Variants in CSPP1 observed in about 807,000 individuals in gnomAD.
CSPP1 encodes centrosome and spindle pole-associated protein 1.
CSPP1 carries 126 observed loss-of-function variants against 164.4 expected under a neutral mutation model. The observed-to-expected ratio is 0.77, with a 90% confidence interval of 0.66 to 0.89. The LOEUF is 0.89. Among genes scored for constraint, CSPP1 ranks in the 40% least tolerant of loss-of-function variants. The pLI is 0.00. For missense variants in CSPP1, 1,395 were observed against 1,449.8 expected (o/e 0.96, Z 0.61); for synonymous variants, 472 against 476.7 (o/e 0.99, Z 0.13).
chr8:67,189,052 A>G (rs1379252753), intron 28 of CSPP1, among the ~76,000 whole-genome samples: 2 of 152,196 alleles, frequency 1.3e-5, no homozygotes, highest in Admixed American at 6.5e-5. Context: ...ACATTAAAGA[A>G]TGTAAATTAA....
rs1812590749 is a variant in CSPP1, at chr8:67,095,641, C to G, written c.832C>G (p.Gln278Glu). Reference protein sequence around the residue: ...VFDRRYHRPDQDPEVSEEMDE... With the variant: ...VFDRRYHRPDEDPEVSEEMDE... ...TGATAGACGGTATCATAGACCAGAC[C>G]AAGATCCTGAAGTAAGTGAAGAAAT... Residue 278 changes from glutamine to glutamate, a missense_variant, in exon 7 of 31, where the codon CAA becomes GAA. Physicochemically the swap from Gln to Glu is conservative, Grantham distance 29 (BLOSUM62 2). Coordinates refer to ENST00000678616, the MANE Select transcript of CSPP1 (RefSeq NM_001382391.1). The G allele has an allele frequency of 1.9e-6, 3 of 1,612,804 alleles. No individual in the cohort carries two copies. The highest frequency in any genetic ancestry group is 4.5e-5 in the East Asian group (2 of 44,844).
At chr8:67,178,121 CAAGTGCTGTTGTGAG>C (rs2129569856) in intron 27 of CSPP1, among the ~76,000 whole-genome samples, 1 of 152,278 alleles carries the variant, frequency 6.6e-6, no homozygotes, top group African/African-American at 2.4e-5. Context: ...AAAAATAGCT[CAAGTGCTGTTGTGAG>C]AACTGAGATA....
Position 67,064,405 on chromosome 8 carries a change from T to C in CSPP1, c.-144T>C. ...CCCGGCCCGGAGGTCTGTCATGCTGTTCCCGCTCCAGGTGGCCGCTGTAAC... is the reference window on the plus strand; with the variant it reads ...CCCGGCCCGGAGGTCTGTCATGCTGCTCCCGCTCCAGGTGGCCGCTGTAAC... On this transcript the variant is annotated 5_prime_UTR_variant, in exon 1 of 31. Coordinates refer to ENST00000678616, the MANE Select transcript of CSPP1 (RefSeq NM_001382391.1). 1 of 1,613,578 alleles carries C rather than the reference T, an allele frequency of 6.2e-7. No homozygotes were observed. Among genetic ancestry groups the C allele is most frequent in the Middle Eastern group, 1.7e-4 (1 of 6,028 alleles).
intron 21 of CSPP1, 144 bp from the exon 22 acceptor site, chr8:67,161,667 T>C (rs1328918159): frequency 3.9e-6 from 2 of 506,490 alleles, no homozygotes. Flanking sequence ...TTCTGACTTT[T>C]GTAGAAAGCA....
intron 28 of CSPP1, among the ~76,000 whole-genome samples, chr8:67,184,741 AAATAT>A (rs894261597): frequency 2.8e-5 from 4 of 143,620 alleles, no homozygotes; most frequent in Non-Finnish European, 4.5e-5. Flanking sequence ...AATAATAAAA[AAATAT>A]AATAATAATA....
chr8:67,089,092 T>C (rs1460116860), intron 4 of CSPP1, among the ~76,000 whole-genome samples: 1 of 152,034 alleles, frequency 6.6e-6, no homozygotes, highest in African/African-American at 2.4e-5. Flanking sequence ...GTCCCACTCA[T>C]ATCTCTTGTG....
chr8:67,080,158 T>C (rs1055398474), intron 3 of CSPP1, among the ~76,000 whole-genome samples: 4 of 152,306 alleles, frequency 2.6e-5, no homozygotes, highest in African/African-American at 9.6e-5. Flanking sequence ...CAACTAAGGG[T>C]TTTCCTTAAG....
chr8:67,111,838 T>C, intron 9 of CSPP1, 134 bp from the exon 10 acceptor site: 1 of 497,908 alleles, frequency 2.0e-6, no homozygotes, highest in Non-Finnish European at 3.5e-6. Context: ...ATTCATGTGA[T>C]TTTTTTCCTT....
At chr8:67,182,263 G>C (rs1320899808) in intron 28 of CSPP1, among the ~76,000 whole-genome samples, 1 of 152,062 alleles carries the variant, frequency 6.6e-6, no homozygotes, top group Non-Finnish European at 1.5e-5. Context: ...GCCTCCCAAA[G>C]TGCCAAAGTG....
chr8:67,155,521 T>A (rs1193108919), intron 19 of CSPP1, among the ~76,000 whole-genome samples: 1 of 152,004 alleles, frequency 6.6e-6, no homozygotes, highest in African/African-American at 2.4e-5. Flanking sequence ...TTAGGCTGGG[T>A]GTGGTGGCTC....
At chr8:67,129,802 T>C (rs945174685) in intron 15 of CSPP1, among the ~76,000 whole-genome samples, 3 of 152,208 alleles carry the variant, frequency 2.0e-5, no homozygotes, top group African/African-American at 7.2e-5. Context: ...TACAAATCTA[T>C]AGAGACAGCA....
intron 28 of CSPP1, 98 bp downstream of exon 28, chr8:67,180,024 A>T: frequency 2.7e-5 from 4 of 148,456 alleles, no homozygotes; most frequent in Non-Finnish European, 4.2e-5. Context: ...ACAAGGTAGT[A>T]AAAAAAAAAA....
chr8:67,091,140 A>G (rs1316711162), intron 4 of CSPP1, among the ~76,000 whole-genome samples: 3 of 152,112 alleles, frequency 2.0e-5, no homozygotes, highest in African/African-American at 7.2e-5. Flanking sequence ...AGCAGGTACT[A>G]TTCTCATTTT....
chr8:67,129,846 G>A (rs1393684425), intron 15 of CSPP1, among the ~76,000 whole-genome samples: 1 of 152,182 alleles, frequency 6.6e-6, no homozygotes, highest in Non-Finnish European at 1.5e-5. Context: ...GGGGCTGAGG[G>A]TTGAGTAGGG....
intron 21 of CSPP1, among the ~76,000 whole-genome samples, chr8:67,161,382 A>C (rs1450021807): frequency 6.6e-6 from 1 of 152,160 alleles, no homozygotes; most frequent in Non-Finnish European, 1.5e-5. Context: ...AAAGTCCCTC[A>C]TCCATGATGC....
At position 67,190,764 on chromosome 8, in the gene CSPP1, G is replaced by C; in HGVS notation, c.3330+5G>C. On this transcript the variant is annotated splice_donor_5th_base_variant and intron_variant, in intron 29 of 30. Coordinates refer to ENST00000678616, the MANE Select transcript of CSPP1 (RefSeq NM_001382391.1). ...AAATGGAAAGGACTAGACATTGTAT[G>C]TATGAGACTTTTCTCCCCCTTTTCA... 1 of 1,588,028 alleles carries C rather than the reference G, an allele frequency of 6.3e-7. No homozygotes were observed. The highest frequency in any genetic ancestry group is 1.1e-5 in the South Asian group (1 of 90,552).
intron 17 of CSPP1, among the ~76,000 whole-genome samples, chr8:67,144,563 C>T (rs921410997): frequency 3.9e-5 from 6 of 152,138 alleles, no homozygotes; most frequent in Non-Finnish European, 5.9e-5. Context: ...CCTCAACTTT[C>T]TGAGTAGCTG....
rs1266497802 is a variant in CSPP1 at position 67,095,880 on chromosome 8, A to T, written c.923+148A>T. ...TAAGATGCTGTCAGTTTTAAGATGC[A>T]TCATTATTTTATGTCCCACTGAGGG... On this transcript the variant is annotated intron_variant, in intron 7 of 30. Coordinates refer to ENST00000678616, the MANE Select transcript of CSPP1 (RefSeq NM_001382391.1). 5.0e-6 allele frequency: 3 copies of T among 595,750 alleles called. No homozygotes were observed. In the Admixed American group the frequency reaches 1.0e-4, roughly 21 times the overall value. The allele number at this position is 595,750 out of a possible 1,614,324, so 36.9% of individuals were successfully genotyped here.
intron 15 of CSPP1, among the ~76,000 whole-genome samples, chr8:67,121,905 G>A (rs1819052091): frequency 1.3e-5 from 2 of 151,944 alleles, no homozygotes; most frequent in Admixed American, 1.3e-4. Flanking sequence ...TTTATTTCTA[G>A]GAATTTGTCC....
Sources: gnomAD v4.1 joint callset for allele counts (sites outside exome capture counted in the v4.1 genomes callset) on GRCh38, gnomAD v4.1.1 for gene constraint, MANE v1.5 for transcripts, NCBI Gene and HGNC (gene_info 2026-07-23, HGNC 2026-07-21) for gene names.